Variants in SMUG1 observed in about 807,000 individuals in gnomAD.
The protein encoded by SMUG1 is single-strand selective monofunctional uracil DNA glycosylase.
A neutral mutation model predicts 23.9 loss-of-function variants in SMUG1; 13 were observed. The ratio of observed to expected loss-of-function variants is 0.54; its 90% CI spans 0.35 to 0.86. The LOEUF (loss-of-function observed/expected upper bound fraction) is 0.86, where lower values mean the gene tolerates loss of function less well. Ranked by LOEUF, SMUG1 falls within the 40% of genes least tolerant of loss-of-function variation. The pLI is 0.01. For synonymous variants in SMUG1, 133 were observed against 139.8 expected, an observed-to-expected ratio of 0.95 and a Z score of 0.34; for missense variants, 313 against 339.5, an observed-to-expected ratio of 0.92 and a Z score of 0.61.
chr12:54,185,267 T>C (rs983003829), intron 2 of SMUG1, among the ~76,000 whole-genome samples: 4 of 150,630 alleles, frequency 2.7e-5, no homozygotes, highest in Non-Finnish European at 5.9e-5. Context: ...ATCGTGCCAT[T>C]GCACTCCAGC....
At chr12:54,162,867 G>A (rs1334111559), downstream of SMUG1, 1 of 152,208 alleles carries the variant, frequency 6.6e-6, no homozygotes, top group Non-Finnish European at 1.5e-5. Flanking sequence ...CAGCTTTGAT[G>A]CAGAGCTTGG....
At chr12:54,172,228 C>T in intron 2 of SMUG1, 1 of 413,116 alleles carries the variant, frequency 2.4e-6, no homozygotes, top group Non-Finnish European at 5.1e-6. Context: ...ATGTGGCTCC[C>T]CATCACCTCT....
At chr12:54,161,533 C>T (rs186192635), downstream of SMUG1, among the ~76,000 whole-genome samples, 113 of 152,308 alleles carry the variant, frequency 7.4e-4, no homozygotes, top group Non-Finnish European at 1.1e-3. The surrounding 1 kb of genome is among the most constrained non-coding windows in gnomAD (Gnocchi z 4.2). Flanking sequence ...TCCCACACCC[C>T]TCCTCTTGTA....
chr12:54,169,351 G>GT (rs1940558766), intron 3 of SMUG1, among the ~76,000 whole-genome samples: 2 of 152,210 alleles, frequency 1.3e-5, no homozygotes, highest in South Asian at 4.1e-4. Context: ...ATGTGTCAGA[G>GT]TTGGGATATA....
intron 1 of SMUG1, among the ~76,000 whole-genome samples, chr12:54,188,298 T>TAATAATAATAATA (rs1592436013): frequency 4.9e-5 from 3 of 60,986 alleles, no homozygotes; most frequent in African/African-American, 2.0e-4. Context: ...TAATAATAAA[T>TAATAATAATAATA]AATAATAATA....
rs570885215 is a variant in SMUG1 at position 54,170,146 on chromosome 12, C to T, written c.*52+1879G>A. Among the ~76,000 whole-genome samples the T allele has an allele frequency of 1.1e-4, 17 of 150,218 alleles. No homozygotes were observed. The South Asian group carries it at 2.7e-3, about 24-fold the overall frequency. On this transcript the variant is annotated intron_variant and NMD_transcript_variant, in intron 3 of 4. Coordinates refer to the SMUG1 transcript ENST00000509864. ...CTGGGAGGCAGAGTTTGCGGTCCGG[C>T]GAGATCGCGCCATTGCACTTCAGCC...
At chr12:54,170,601 TTTTTG>T (rs1441184682) in intron 3 of SMUG1, among the ~76,000 whole-genome samples, 1 of 151,916 alleles carries the variant, frequency 6.6e-6, no homozygotes, top group African/African-American at 2.4e-5. Flanking sequence ...CTTTTTTTAG[TTTTTG>T]TTTTTTTTGT....
At position 54,182,471 on chromosome 12, in the gene SMUG1, C is replaced by G. The variant is rs769373939; in HGVS notation, c.438G>C (p.Arg146=). 2.0e-5 allele frequency: 33 copies of G among 1,613,790 alleles called. No individual in the cohort carries two copies. The highest frequency in any genetic ancestry group is 2.7e-5 in the Non-Finnish European group (32 of 1,179,970). The change falls in exon 4 of 4, where the codon CGG becomes CGC. Residue 146 remains arginine, a synonymous_variant. Transcript: ENST00000682136. ...AGACCTCAGGCTGTCCACAGAGGTT[C>G]CGGAAAAAGCCCCAGAATCGGGCAC... is the stretch of plus-strand genomic sequence containing the variant. ...VSGARFWGFF[R]NLCGQPEVFF...
At chr12:54,159,914 A>G (rs972678720), downstream of SMUG1, among the ~76,000 whole-genome samples, 1 of 152,222 alleles carries the variant, frequency 6.6e-6, no homozygotes, top group East Asian at 1.9e-4. Context: ...ACTGCAGTGC[A>G]CTTGGGCACA....
At chr12:54,167,052 G>A (rs1049997878) in intron 3 of SMUG1, among the ~76,000 whole-genome samples, 5 of 152,174 alleles carry the variant, frequency 3.3e-5, no homozygotes, top group South Asian at 2.1e-4. Flanking sequence ...TAGGGCCCCC[G>A]CTCCAAGGTC....
intron 2 of SMUG1, chr12:54,187,253 A>C (rs1489489377): frequency 6.6e-6 from 1 of 152,230 alleles, no homozygotes; most frequent in Non-Finnish European, 1.5e-5. Flanking sequence ...TAAGAACTCA[A>C]GGTTGACACA....
downstream of SMUG1, among the ~76,000 whole-genome samples, chr12:54,161,451 C>A (rs1592332050): frequency 6.6e-6 from 1 of 152,162 alleles, no homozygotes; most frequent in Admixed American, 6.5e-5. This position sits in a 1 kb window ranked among gnomAD's most constrained non-coding sequence, Gnocchi z 4.2. Flanking sequence ...CTTCCCCAGG[C>A]ACCAGGGGAG....
chr12:54,183,711 T>C lies in SMUG1; in HGVS notation c.230A>G (p.Lys77Arg), dbSNP rs774765573. The change falls in exon 3 of 4, where the codon AAG becomes AGG. Residue 77 changes from lysine to arginine, a missense_variant. By Grantham distance (26) the Lys-to-Arg change is conservative (BLOSUM62 2). Coordinates refer to ENST00000682136, the MANE Select transcript of SMUG1 (RefSeq NM_001243787.2). ...GTTCATGCCCAGGAAGAGTACTTCC[T>C]TGGGGCCCTGGCAGTAGCGAGTCAC... ...NYVTRYCQGPKEVLFLGMNPG... is the reference protein window; with the variant it reads ...NYVTRYCQGPREVLFLGMNPG... The C allele has an allele frequency of 1.2e-6, 2 of 1,614,024 alleles. No individual in the cohort carries two copies. Among genetic ancestry groups the C allele is most frequent in the Admixed American group, 1.7e-5 (1 of 60,022 alleles).
chr12:54,159,836 G>A (rs561526664), downstream of SMUG1, among the ~76,000 whole-genome samples: 6 of 152,216 alleles, frequency 3.9e-5, no homozygotes, highest in Admixed American at 2.6e-4. Flanking sequence ...ACTGCGCATC[G>A]GAGCATCAGC....
downstream of SMUG1, among the ~76,000 whole-genome samples, chr12:54,164,047 C>T (rs940992513): frequency 3.3e-5 from 5 of 151,616 alleles, no homozygotes; most frequent in African/African-American, 1.2e-4. Context: ...TGAAGCCTGA[C>T]CCGGGAGGCA....
intron 1 of SMUG1, among the ~76,000 whole-genome samples, 162 bp from the exon 2 acceptor site, chr12:54,188,064 C>T (rs554398934): frequency 2.2e-4 from 34 of 151,832 alleles, no homozygotes; most frequent in African/African-American, 6.3e-4. Flanking sequence ...TTATAAAATA[C>T]GGTGTCATAC....
intron 2 of SMUG1, among the ~76,000 whole-genome samples, chr12:54,173,653 G>T (rs1224728882): frequency 6.6e-6 from 1 of 152,194 alleles, no homozygotes; most frequent in Non-Finnish European, 1.5e-5. Context: ...GGAGCTGGGG[G>T]CCAGAGCGGC....
chr12:54,178,884 C>A (rs911909772), downstream of SMUG1, among the ~76,000 whole-genome samples: 2 of 152,126 alleles, frequency 1.3e-5, no homozygotes, highest in Non-Finnish European at 2.9e-5. Context: ...GACCCACCCA[C>A]AGGAAAACCC....
chr12:54,180,501 T>C lies in SMUG1; in HGVS notation c.*1595A>G, dbSNP rs1565808611. The C allele has an allele frequency of 6.6e-6, 1 of 152,214 alleles. No individual in the cohort carries two copies. The highest frequency in any genetic ancestry group is 1.5e-5 in the Non-Finnish European group (1 of 68,030). 9.4% of individuals were successfully genotyped at this position (152,214 alleles called of 1,614,324 possible). A position where few individuals can be genotyped will look rare whatever the true frequency, so the allele number is the denominator to read the frequency against. ...GTAGACCATGTGTTCCTCATTAAGG[T>C]GGTCTCAAGACCTGCTCTGCTCCCA... On this transcript the variant is annotated 3_prime_UTR_variant, in exon 4 of 4. Coordinates refer to ENST00000682136, the MANE Select transcript of SMUG1 (RefSeq NM_001243787.2).
Sources: gnomAD v4.1 joint callset for allele counts (sites outside exome capture counted in the v4.1 genomes callset) on GRCh38, gnomAD v4.1.1 for gene constraint, Gnocchi (gnomAD v3.1) non-coding constraint, MANE v1.5 for transcripts, NCBI Gene and HGNC (gene_info 2026-07-23, HGNC 2026-07-21) for gene names.